Variants in KCTD2 observed in about 807,000 individuals in gnomAD.
The protein encoded by KCTD2 is BTB/POZ domain-containing protein KCTD2.
Under a neutral mutation model 27.9 loss-of-function variants are expected in KCTD2, and 18 were observed. The observed-to-expected ratio is 0.64, with a 90% CI of 0.45 to 0.96. The LOEUF (loss-of-function observed/expected upper bound fraction) is 0.96. Among genes scored for constraint, KCTD2 ranks in the 40% least tolerant of loss-of-function variants. The pLI, the probability that KCTD2 is intolerant of heterozygous loss-of-function variation, is 0.00. For synonymous variants in KCTD2, 175 were observed against 148.4 expected (o/e 1.18, Z -1.30); for missense variants, 280 against 348.0 (o/e 0.80, Z 1.56).
chr17:75,063,854 C>G lies in KCTD2; in HGVS notation c.*807C>G, dbSNP rs192527574. ...GAACTGCACCTGCAGCCTCTTCTTACTCCCCATTGACCCTGTCTTCCTTCC... is the reference window on the plus strand; with the variant it reads ...GAACTGCACCTGCAGCCTCTTCTTAGTCCCCATTGACCCTGTCTTCCTTCC... On this transcript the variant is annotated 3_prime_UTR_variant, in exon 6 of 6. Transcript: ENST00000322444. 3 of 152,876 alleles carry G rather than the reference C, an allele frequency of 2.0e-5. No individual in the cohort carries two copies. Among genetic ancestry groups the G allele is most frequent in the African/African-American group, 7.2e-5 (3 of 41,588 alleles). 9.5% of individuals were successfully genotyped at this position (152,876 alleles called of 1,614,324 possible).
At chr17:75,039,220 A>G (rs1260312355) in intron 3 of KCTD2, 2 of 1,614,206 alleles carry the variant, frequency 1.2e-6, no homozygotes, top group African/African-American at 2.7e-5. Context: ...TCTTTCTCAT[A>G]TTCTACAATC....
chr17:75,042,688 CT>C, upstream of KCTD2: 1 of 1,582,416 alleles, frequency 6.3e-7, no homozygotes. Flanking sequence ...AAAAACAAGG[CT>C]TTTTTATGAG....
intron 3 of KCTD2, among the ~76,000 whole-genome samples, chr17:75,053,898 ACT>A (rs933835988): frequency 1.1e-4 from 11 of 100,128 alleles, no homozygotes; most frequent in Non-Finnish European, 1.8e-4. Flanking sequence ...ACAGAGTCTC[ACT>A]CTCTCCCCCA....
At chr17:75,047,209 C>A, upstream of KCTD2, 1 of 663,856 alleles carries the variant, frequency 1.5e-6, no homozygotes, top group South Asian at 4.7e-5. Flanking sequence ...ATGGGCCGGC[C>A]CGGCTGCGCG....
chr17:75,035,153 A>G (rs751211993), intron 2 of KCTD2: 13 of 152,136 alleles, frequency 8.5e-5, no homozygotes, highest in Non-Finnish European at 1.8e-4. Flanking sequence ...ACTTCGGATC[A>G]GAAGATTGAG....
At chr17:75,050,661 C>T (rs1258171662) in intron 2 of KCTD2, among the ~76,000 whole-genome samples, 1 of 152,144 alleles carries the variant, frequency 6.6e-6, no homozygotes, top group Admixed American at 6.6e-5. Flanking sequence ...TACAAAAATT[C>T]AATTACCCTC....
intron 3 of KCTD2, among the ~76,000 whole-genome samples, chr17:75,054,424 C>T (rs2073327802): frequency 6.6e-6 from 1 of 152,126 alleles, no homozygotes; most frequent in African/African-American, 2.4e-5. Flanking sequence ...TGCCATTCGT[C>T]ATATGTTTGT....
intron 2 of KCTD2, among the ~76,000 whole-genome samples, chr17:75,034,501 G>A (rs868372395): frequency 3.9e-5 from 6 of 152,180 alleles, no homozygotes; most frequent in Non-Finnish European, 5.9e-5. Context: ...AGGCCACTGG[G>A]GCGCGGTAAG....
At chr17:75,036,035 AT>A in intron 3 of KCTD2, 1 of 454,138 alleles carries the variant, frequency 2.2e-6, no homozygotes, top group Non-Finnish European at 4.4e-6. Context: ...ATAGGGGAGA[AT>A]AAATGCTAAT....
upstream of KCTD2, among the ~76,000 whole-genome samples, chr17:75,045,440 G>A (rs2073204107): frequency 1.3e-5 from 2 of 152,216 alleles, no homozygotes; most frequent in South Asian, 2.1e-4. Context: ...GCCTGGGATC[G>A]CTATGGGAGA....
intron 3 of KCTD2, chr17:75,038,811 T>C: frequency 1.6e-6 from 2 of 1,221,786 alleles, no homozygotes; most frequent in Non-Finnish European, 2.3e-6. Flanking sequence ...TGAGGCCAGC[T>C]CAGAAGAGAG....
At chr17:75,038,762 A>T in intron 3 of KCTD2, 2 of 734,280 alleles carry the variant, frequency 2.7e-6, no homozygotes, top group Non-Finnish European at 4.3e-6. Context: ...AAACCTGTCG[A>T]GGCTCACCTT....
intron 1 of KCTD2, 21 bp from the exon 2 acceptor site, chr17:75,049,199 A>C (rs771716951): frequency 6.8e-7 from 1 of 1,462,496 alleles, no homozygotes. Flanking sequence ...CCACAATGAT[A>C]CCCTTGTGTT....
intron 1 of KCTD2, among the ~76,000 whole-genome samples, chr17:75,048,094 C>T (rs1310087062): frequency 3.9e-5 from 6 of 152,200 alleles, no homozygotes; most frequent in African/African-American, 1.4e-4. Context: ...CACTGCTTTT[C>T]TATAGTCCTG....
intron 3 of KCTD2, among the ~76,000 whole-genome samples, chr17:75,057,511 A>C (rs2073361407): frequency 6.6e-6 from 1 of 151,866 alleles, no homozygotes. Flanking sequence ...TATGGAAGGA[A>C]ATCTTTGAAA....
At chr17:75,057,704 C>CA (rs1054719505) in intron 3 of KCTD2, among the ~76,000 whole-genome samples, 75 of 151,886 alleles carry the variant, frequency 4.9e-4, no homozygotes, top group African/African-American at 1.8e-3. Flanking sequence ...GGATTACAGG[C>CA]ACGTGCCACC....
chr17:75,033,585 C>G (rs1014069399), intron 1 of KCTD2, among the ~76,000 whole-genome samples: 3 of 152,124 alleles, frequency 2.0e-5, no homozygotes, highest in African/African-American at 7.2e-5. Flanking sequence ...TCTGTAGAGG[C>G]GGACAGCAAG....
intron 2 of KCTD2, among the ~76,000 whole-genome samples, chr17:75,050,553 G>A (rs919474601): frequency 7.9e-5 from 12 of 152,026 alleles, no homozygotes; most frequent in East Asian, 1.9e-4. Context: ...CTGAGCCTCC[G>A]CGCCCGACCT....
intron 2 of KCTD2, among the ~76,000 whole-genome samples, chr17:75,049,546 T>C (rs575829023): frequency 6.6e-6 from 1 of 152,314 alleles, no homozygotes; most frequent in East Asian, 1.9e-4. Context: ...AGAAGGAAGA[T>C]AGGTAGCTCC....
Sources: gnomAD v4.1 joint callset for allele counts (sites outside exome capture counted in the v4.1 genomes callset) on GRCh38, gnomAD v4.1.1 for gene constraint, MANE v1.5 for transcripts, NCBI Gene and HGNC (gene_info 2026-07-23, HGNC 2026-07-21) for gene names.